The following PRIM2 variants were observed in gnomAD, a reference collection of about 807,000 sequenced individuals.
PRIM2 encodes DNA primase large subunit.
Under a neutral mutation model 67.3 loss-of-function variants are expected in PRIM2, and 39 were observed. The ratio of observed to expected loss-of-function variants is 0.58; its 90% CI spans 0.45 to 0.76. The LOEUF (loss-of-function observed/expected upper bound fraction) is 0.76. Ranked by LOEUF, PRIM2 falls within the 30% of genes least tolerant of loss-of-function variation. The probability of loss-of-function intolerance (pLI) is 0.00; values close to 1 mark genes in which losing one functional copy is unlikely to be tolerated. For synonymous variants in PRIM2, 143 were observed against 198.7 expected (o/e 0.72, Z 2.36); for missense variants, 398 against 598.7 (o/e 0.66, Z 3.50).
At chr6:57,536,800 G>A (rs1775011912) in intron 9 of PRIM2, among the ~76,000 whole-genome samples, 1 of 152,336 alleles carries the variant, frequency 6.6e-6, no homozygotes, top group Admixed American at 6.5e-5. Context: ...AACCAGATCA[G>A]TGGTTGCCAA....
intron 10 of PRIM2, among the ~76,000 whole-genome samples, chr6:57,556,767 A>G (rs1775521538): frequency 6.6e-6 from 1 of 152,248 alleles, no homozygotes; most frequent in Admixed American, 6.5e-5. Flanking sequence ...CAATTGCAAC[A>G]AAAGCAAATA....
intron 10 of PRIM2, among the ~76,000 whole-genome samples, 168 bp from the exon 11 acceptor site, chr6:57,600,925 C>T (rs1776452093): frequency 2.0e-5 from 3 of 152,176 alleles, no homozygotes; most frequent in African/African-American, 7.2e-5. Flanking sequence ...TTATTTGTAT[C>T]ATAAAGGACC....
chr6:57,273,828 T>C, the PRIM2 span, among the ~76,000 whole-genome samples: 1 of 152,128 alleles, frequency 6.6e-6, no homozygotes, highest in South Asian at 2.1e-4. Flanking sequence ...TTCCCGTTTG[T>C]TAGTTTTCCT....
At chr6:57,505,511 A>G (rs1774231571) in intron 7 of PRIM2, among the ~76,000 whole-genome samples, 1 of 152,188 alleles carries the variant, frequency 6.6e-6, no homozygotes, top group African/African-American at 2.4e-5. Flanking sequence ...TAAAAGGAAA[A>G]TTTTAAGAAA....
At chr6:57,566,005 A>G (rs1235264676) in intron 10 of PRIM2, among the ~76,000 whole-genome samples, 3,695 of 152,170 alleles carry the variant, frequency 0.024, 144 homozygotes, top group African/African-American at 0.084. Flanking sequence ...GTGTTGTCTC[A>G]TAAATCTTTT....
chr6:57,559,330 A>C (rs1775582612), intron 10 of PRIM2, among the ~76,000 whole-genome samples: 1 of 152,244 alleles, frequency 6.6e-6, no homozygotes, highest in South Asian at 2.1e-4. Context: ...GTGTCATCAT[A>C]CAAGCAGAAC....
intron 13 of PRIM2, among the ~76,000 whole-genome samples, chr6:57,643,968 C>T (rs1225478807): frequency 2.0e-5 from 3 of 152,164 alleles, no homozygotes; most frequent in Non-Finnish European, 4.4e-5. Context: ...CTGGTCCGTC[C>T]ACCAGTAGGG....
chr6:57,568,564 A>G (rs1343047406), intron 10 of PRIM2, among the ~76,000 whole-genome samples: 19 of 152,252 alleles, frequency 1.2e-4, no homozygotes, highest in African/African-American at 4.1e-4. Context: ...ATTGTAGAAC[A>G]TTATGATAGA....
At chr6:57,405,106 A>G (rs1285395051) in intron 7 of PRIM2, among the ~76,000 whole-genome samples, 1 of 151,496 alleles carries the variant, frequency 6.6e-6, no homozygotes, top group South Asian at 2.1e-4. Flanking sequence ...ATGAGAAAGT[A>G]TCAGCAGATT....
rs946520338 is a variant in PRIM2 at position 57,337,302 on chromosome 6, A to G, written c.459+11257A>G. On this transcript the variant is annotated intron_variant, in intron 5 of 13. Coordinates refer to ENST00000615550, the MANE Select transcript of PRIM2 (RefSeq NM_000947.5). ...CACTGTCAACATTAGACAGATCAAC[A>G]AGACAGAAAGTCAACAATGATACCC... 3.9e-5 allele frequency among the ~76,000 whole-genome samples: 6 copies of G among 152,216 alleles called. No individual in the cohort carries two copies. In the East Asian group the frequency reaches 7.7e-4, roughly 20 times the overall value.
At chr6:57,450,070 C>A (rs574460285) in intron 7 of PRIM2, among the ~76,000 whole-genome samples, 1 of 152,086 alleles carries the variant, frequency 6.6e-6, no homozygotes, top group Non-Finnish European at 1.5e-5. Context: ...TTTATACAAT[C>A]TTTAAAAAAA....
At chr6:57,337,601 T>TG (rs1768301950) in intron 5 of PRIM2, among the ~76,000 whole-genome samples, 1 of 152,170 alleles carries the variant, frequency 6.6e-6, no homozygotes. Context: ...AACCTGCTCC[T>TG]GAATGACTAC....
intron 7 of PRIM2, among the ~76,000 whole-genome samples, chr6:57,413,885 C>G (rs1253366948): frequency 6.6e-6 from 1 of 152,090 alleles, no homozygotes; most frequent in East Asian, 1.9e-4. Flanking sequence ...CTACTATACA[C>G]TTAGCATTCT....
At chr6:57,345,761 G>A (rs1054529524) in intron 5 of PRIM2, among the ~76,000 whole-genome samples, 1 of 152,174 alleles carries the variant, frequency 6.6e-6, no homozygotes, top group Non-Finnish European at 1.5e-5. Context: ...CATAGGCAGA[G>A]TAGCCCTACG....
chr6:57,291,727 C>T, the PRIM2 span, among the ~76,000 whole-genome samples: 1 of 152,140 alleles, frequency 6.6e-6, no homozygotes, highest in East Asian at 1.9e-4. Flanking sequence ...ATCACATAAA[C>T]AGAACCAACG....
chr6:57,228,316 T>C, the PRIM2 span, among the ~76,000 whole-genome samples: 189 of 152,358 alleles, frequency 1.2e-3, no homozygotes, highest in Non-Finnish European at 2.2e-3. Context: ...AATAGTTTGA[T>C]GCACTTGCAA....
chr6:57,615,351 C>T (rs1324345554), intron 12 of PRIM2, among the ~76,000 whole-genome samples: 93 of 150,214 alleles, frequency 6.2e-4, no homozygotes, highest in African/African-American at 2.2e-3. Flanking sequence ...TGCTTGAGCC[C>T]ATGGGGACTG....
At chr6:57,357,752 C>T (rs1769078661) in intron 5 of PRIM2, among the ~76,000 whole-genome samples, 1 of 152,134 alleles carries the variant, frequency 6.6e-6, no homozygotes, top group Non-Finnish European at 1.5e-5. Flanking sequence ...CCTGCCACCA[C>T]TCCTGGCTAA....
chr6:57,573,668 T>C (rs1474092669), intron 10 of PRIM2, among the ~76,000 whole-genome samples: 1 of 152,214 alleles, frequency 6.6e-6, no homozygotes, highest in Non-Finnish European at 1.5e-5. Context: ...TTTCATGTGA[T>C]AATCTATTCA....
Sources: gnomAD v4.1 joint callset for allele counts (sites outside exome capture counted in the v4.1 genomes callset) on GRCh38, gnomAD v4.1.1 for gene constraint, MANE v1.5 for transcripts, NCBI Gene and HGNC (gene_info 2026-07-23, HGNC 2026-07-21) for gene names.